The following RBPJ variants were observed in gnomAD, a reference collection of about 807,000 sequenced individuals.
RBPJ encodes the protein recombination signal binding protein for immunoglobulin kappa J region.
Under a neutral mutation model 67.8 loss-of-function variants are expected in RBPJ, and 9 were observed. That is an observed-to-expected ratio of 0.13 (90% CI 0.08 to 0.23). The LOEUF (loss-of-function observed/expected upper bound fraction) is 0.23. RBPJ is among the 10% of genes least tolerant of loss of function. The pLI is 1.00. For missense variants in RBPJ, 305 were observed against 595.6 expected (o/e 0.51, Z 5.08); for synonymous variants, 198 against 203.3 (o/e 0.97, Z 0.22).
At chr4:26,402,690 A>G (rs1732965602) in intron 2 of RBPJ, among the ~76,000 whole-genome samples, 1 of 152,118 alleles carries the variant, frequency 6.6e-6, no homozygotes, top group Non-Finnish European at 1.5e-5. Flanking sequence ...ATCAGTTCTC[A>G]GTTTCCTTTA....
intron 1 of RBPJ, among the ~76,000 whole-genome samples, chr4:26,193,707 A>G (rs548651571): frequency 2.6e-4 from 40 of 152,266 alleles, no homozygotes; most frequent in African/African-American, 8.9e-4. Flanking sequence ...CACACAGCTC[A>G]AGCTTCACAC....
intron 1 of RBPJ, among the ~76,000 whole-genome samples, chr4:26,172,138 G>C (rs1716613036): frequency 1.3e-5 from 2 of 152,160 alleles, no homozygotes; most frequent in Admixed American, 1.3e-4. Context: ...CAACAACATG[G>C]ATGGAACTAA....
At chr4:26,329,918 A>C (rs1310607958) in intron 1 of RBPJ, among the ~76,000 whole-genome samples, 2 of 151,836 alleles carry the variant, frequency 1.3e-5, no homozygotes, top group African/African-American at 4.8e-5. Context: ...GAAAATGCCT[A>C]GCTTGGTTCT....
At chr4:26,372,077 A>G (rs1463904345) in intron 1 of RBPJ, among the ~76,000 whole-genome samples, 3 of 152,254 alleles carry the variant, frequency 2.0e-5, no homozygotes, top group East Asian at 3.8e-4. Context: ...GAGAATACAC[A>G]TAAGGAGATG....
intron 1 of RBPJ, among the ~76,000 whole-genome samples, chr4:26,170,662 A>G (rs1208433628): frequency 1.3e-5 from 2 of 152,240 alleles, no homozygotes; most frequent in Admixed American, 6.5e-5. Context: ...ATGTGATTCA[A>G]CCAATCAGTA....
In RBPJ at chr4:26,307,203, T is replaced by C. The variant is rs73113365; in HGVS notation, c.-166-55243T>C. 2.5e-3 allele frequency among the ~76,000 whole-genome samples: 378 copies of C among 152,318 alleles called. 1 individual carries two copies. Among genetic ancestry groups the C allele is most frequent in the African/African-American group, 8.7e-3 (362 of 41,566 alleles). On this transcript the variant is annotated intron_variant, in intron 1 of 4. Transcript: ENST00000512351. ...GCATTGTCCTGAGGACTGACTGAGA[T>C]GATTGATGTCTGTGAGAGGGCTTGA... is the stretch of plus-strand genomic sequence containing the variant.
intron 1 of RBPJ, among the ~76,000 whole-genome samples, chr4:26,290,386 T>C (rs1364115437): frequency 6.9e-6 from 1 of 145,364 alleles, no homozygotes; most frequent in Non-Finnish European, 1.5e-5. Context: ...TTTGGACCAA[T>C]ATGCTGTGAC....
chr4:26,330,454 G>T (rs188115765), intron 1 of RBPJ, among the ~76,000 whole-genome samples: 1 of 152,308 alleles, frequency 6.6e-6, no homozygotes, highest in African/African-American at 2.4e-5. Flanking sequence ...AACCCACGTA[G>T]AAACTGACCC....
intron 1 of RBPJ, chr4:26,343,146 G>A (rs1469931754): frequency 1.3e-5 from 2 of 152,174 alleles, no homozygotes; most frequent in Non-Finnish European, 2.9e-5. Flanking sequence ...TTCTGTGTTT[G>A]TTATTGTGAA....
the RBPJ span, among the ~76,000 whole-genome samples, chr4:26,128,011 G>A: frequency 6.6e-6 from 1 of 152,212 alleles, no homozygotes; most frequent in African/African-American, 2.4e-5. Flanking sequence ...GATCCTGTTT[G>A]ACTTGTGTGC....
the RBPJ span, among the ~76,000 whole-genome samples, chr4:26,139,842 A>C: frequency 2.6e-5 from 4 of 152,166 alleles, no homozygotes; most frequent in South Asian, 8.3e-4. Context: ...TCTGTACTTA[A>C]TTTTTAAGAA....
chr4:26,401,114 C>T (rs931634272), intron 2 of RBPJ, among the ~76,000 whole-genome samples: 7 of 152,158 alleles, frequency 4.6e-5, no homozygotes, highest in African/African-American at 1.4e-4. Context: ...AGTAATAGCT[C>T]GAGGCTACTG....
chr4:26,164,792 C>A (rs561151685), intron 1 of RBPJ, among the ~76,000 whole-genome samples: 1 of 152,164 alleles, frequency 6.6e-6, no homozygotes, highest in African/African-American at 2.4e-5. Context: ...TGGGGGGGAC[C>A]ATCTGCTAGT....
chr4:26,210,792 T>TTTCTTTCC, intron 1 of RBPJ, among the ~76,000 whole-genome samples: 1 of 148,296 alleles, frequency 6.7e-6, no homozygotes, highest in Non-Finnish European at 1.5e-5. Flanking sequence ...TCTTTCTTTC[T>TTTCTTTCC]TTCTTTCTTT....
chr4:26,394,186 C>T (rs1731857656), intron 2 of RBPJ, among the ~76,000 whole-genome samples: 2 of 152,018 alleles, frequency 1.3e-5, no homozygotes, highest in African/African-American at 4.8e-5. Flanking sequence ...GCCACCACAC[C>T]CGGCTAATTT....
chr4:26,106,351 T>C, the RBPJ span, among the ~76,000 whole-genome samples: 1 of 152,226 alleles, frequency 6.6e-6, no homozygotes, highest in Non-Finnish European at 1.5e-5. Context: ...TCTGCTTCTG[T>C]TATTTCTGGA....
intron 1 of RBPJ, among the ~76,000 whole-genome samples, chr4:26,185,005 G>T (rs970727450): frequency 1.3e-5 from 2 of 151,946 alleles, no homozygotes; most frequent in African/African-American, 4.8e-5. Flanking sequence ...AGCTGGGTGT[G>T]GCATCAGGCA....
chr4:26,324,422 G>GTC (rs966984969), intron 1 of RBPJ, among the ~76,000 whole-genome samples: 3 of 151,886 alleles, frequency 2.0e-5, no homozygotes, highest in African/African-American at 7.3e-5. Context: ...GTGTGTGTGT[G>GTC]TGTGGTGTAA....
chr4:26,277,921 G>A (rs1721137211), intron 1 of RBPJ, among the ~76,000 whole-genome samples: 1 of 152,142 alleles, frequency 6.6e-6, no homozygotes, highest in Non-Finnish European at 1.5e-5. Context: ...ATTTTCACAT[G>A]TGTCAATCAA....
Sources: allele counts gnomAD v4.1 joint callset (sites outside exome capture counted in the v4.1 genomes callset), GRCh38; gene constraint gnomAD v4.1.1; transcripts MANE v1.5; gene names NCBI Gene and HGNC (gene_info 2026-07-23, HGNC 2026-07-21).